The following CELF3 variants were observed in gnomAD, a reference collection of about 807,000 sequenced individuals.
The protein encoded by CELF3 is CAG repeat domain.
In CELF3, 26 loss-of-function variants were observed where a neutral mutation model predicts 59.6. That is an observed-to-expected ratio of 0.44 (90% CI 0.32 to 0.61). The LOEUF (loss-of-function observed/expected upper bound fraction) is 0.61, where lower values mean the gene tolerates loss of function less well. CELF3 is among the 20% of genes least tolerant of loss of function. The pLI is 0.06. For missense variants in CELF3, 387 were observed against 627.2 expected (o/e 0.62, Z 4.09); for synonymous variants, 245 against 250.7 (o/e 0.98, Z 0.22).
rs146781718 is a variant in CELF3 at position 151,709,076 on chromosome 1, G to A, written c.408C>T (p.Gly136=). Residue 136 remains glycine (G), a splice_region_variant and synonymous_variant, in exon 5 of 13, where the codon GGC becomes GGT. Transcript: ENST00000290583. This position sits in a 1 kb window ranked among gnomAD's most constrained non-coding sequence, Gnocchi z 4.9. ...VLRGPDGTSK[G]CAFVKFQTHA... is the part of the protein sequence containing the mutation. ...GGGTCTGGAACTTCACGAAGGCGCA[G>A]CCTGGAGAGGTTGAGATGGAGGAGG... 228 of 1,613,720 alleles carry A rather than the reference G, an allele frequency of 1.4e-4. 1 individual carries two copies. The highest frequency in any genetic ancestry group is 1.9e-4 in the Non-Finnish European group (219 of 1,179,860).
At chr1:151,711,083 C>A in intron 2 of CELF3, 1 of 336,108 alleles carries the variant, frequency 3.0e-6, no homozygotes, top group Non-Finnish European at 5.9e-6. Flanking sequence ...GACTGGGAGT[C>A]AGGAGACCTG....
chr1:151,709,864 T>C lies in CELF3; in HGVS notation c.229-73A>G. 2 of 1,455,630 alleles carry C rather than the reference T, an allele frequency of 1.4e-6. No individual in the cohort carries two copies. The highest frequency in any genetic ancestry group is 1.9e-6 in the Non-Finnish European group (2 of 1,035,382). The allele number at this position is 1,455,630 out of a possible 1,614,324, so 90.2% of individuals were successfully genotyped here. ...CCAAGAGCCCTCCCAGGCCAGGCCC[T>C]GCAGAGAGACTAGAGGGGCAAGCCC... is the stretch of plus-strand genomic sequence containing the variant. On this transcript the variant is annotated intron_variant, in intron 2 of 12. Coordinates refer to ENST00000290583, the MANE Select transcript of CELF3 (RefSeq NM_007185.7). The surrounding 1 kb of genome is among the most constrained non-coding windows in gnomAD (Gnocchi z 4.9).
In CELF3 at chr1:151,707,782, C is replaced by T; in HGVS notation, c.630+10G>A. On this transcript the variant is annotated intron_variant, in intron 6 of 12. Transcript: ENST00000290583. ...AGGAGGGCTGGCCCGGCATCAGGGG[C>T]AGTGCTCACGGCCTGGGTGTAGGCG... The T allele has an allele frequency of 1.2e-6, 2 of 1,610,112 alleles. No individual in the cohort carries two copies. Among genetic ancestry groups the T allele is most frequent in the Non-Finnish European group, 1.7e-6 (2 of 1,176,976 alleles).
chr1:151,710,839 T>C (rs1447354132), intron 2 of CELF3: 1 of 456,504 alleles, frequency 2.2e-6, no homozygotes, highest in Non-Finnish European at 4.4e-6. Flanking sequence ...AAATTACTCC[T>C]GCAGGTTGAT....
chr1:151,706,198 CTGT>C, intron 10 of CELF3, 23 bp downstream of exon 10: 1 of 1,611,708 alleles, frequency 6.2e-7, no homozygotes, highest in African/African-American at 1.3e-5. Context: ...GAGGGCATTC[CTGT>C]CTCCCAAGGC....
intron 2 of CELF3, chr1:151,711,117 GC>G (rs1335047804): frequency 6.4e-6 from 2 of 310,842 alleles, no homozygotes; most frequent in African/African-American, 4.3e-5. Flanking sequence ...GCCCTGCCCT[GC>G]CACTTACTAG....
At position 151,701,027 on chromosome 1, in the gene CELF3, T is replaced by C. The variant is rs1447660453; in HGVS notation, c.*2432A>G. On this transcript the variant is annotated 3_prime_UTR_variant, in exon 13 of 13. Coordinates refer to ENST00000290583, the MANE Select transcript of CELF3 (RefSeq NM_007185.7). Reference sequence around the variant, plus strand: ...GGTGAATTAACTTTTAAAAGATGACTCTTGGCTTCTTGGGAGAACAAATTG... The same window carrying C: ...GGTGAATTAACTTTTAAAAGATGACCCTTGGCTTCTTGGGAGAACAAATTG... 1 of 152,436 alleles carries C rather than the reference T, an allele frequency of 6.6e-6. No individual in the cohort carries two copies. The allele number at this position is 152,436 out of a possible 1,614,324, so 9.4% of individuals were successfully genotyped here.
At chr1:151,712,634 C>G (rs1673118516) in intron 2 of CELF3, among the ~76,000 whole-genome samples, 1 of 152,226 alleles carries the variant, frequency 6.6e-6, no homozygotes. Flanking sequence ...GTGGCAGAGC[C>G]ACTCCTGGGA....
intron 1 of CELF3, chr1:151,715,570 C>G (rs1208384669): frequency 7.4e-7 from 1 of 1,360,528 alleles, no homozygotes; most frequent in Non-Finnish European, 9.7e-7. Context: ...CAAACCAGCT[C>G]TCTTGTCCCT....
chr1:151,710,902 C>T (rs1191184778), intron 2 of CELF3: 1 of 451,230 alleles, frequency 2.2e-6, no homozygotes, highest in African/African-American at 2.0e-5. Context: ...AGGAGAAGGA[C>T]TTAGTATTTA....
chr1:151,710,608 TCTC>T (rs1289373533), intron 2 of CELF3: 3 of 456,174 alleles, frequency 6.6e-6, no homozygotes, highest in Non-Finnish European at 1.3e-5. Flanking sequence ...TCCCATCCCT[TCTC>T]CTGCCTCCCT....
At chr1:151,706,075 C>T in intron 10 of CELF3, 110 bp from the exon 11 acceptor site, 2 of 1,590,122 alleles carry the variant, frequency 1.3e-6, no homozygotes, top group Non-Finnish European at 1.7e-6. Context: ...AGTCCCAGTC[C>T]TTGACAGTGT....
At position 151,705,062 on chromosome 1, in the gene CELF3, C is replaced by T. The variant is rs750459132; in HGVS notation, c.1377G>A (p.Lys459=). The T allele has an allele frequency of 5.6e-6, 9 of 1,613,562 alleles. No homozygotes were observed. The East Asian group carries it at 8.9e-5, about 16-fold the overall frequency. ...KRLKVQLKRP[K]DANRPY is the part of the protein sequence containing the mutation. ...GCCCTCAGTAGGGCCGGTTGGCATC[C>T]TTAGGCCGCTTTAGCTGGACTTTGA... The change falls in exon 12 of 13, where the codon AAG becomes AAA. Residue 459 remains lysine (K), a synonymous_variant. Transcript: ENST00000290583. The surrounding 1 kb of genome is among the most constrained non-coding windows in gnomAD (Gnocchi z 5.1).
At position 151,709,298 on chromosome 1, in the gene CELF3, C is replaced by T. The variant is rs1274840352; in HGVS notation, c.328G>A (p.Asp110Asn). 1 of 1,613,966 alleles carries T rather than the reference C, an allele frequency of 6.2e-7. No homozygotes were observed. The highest frequency in any genetic ancestry group is 8.5e-7 in the Non-Finnish European group (1 of 1,179,984). ...AAGGGCTCAAACATCTTCCGGACGT[C>T]CTCATCTGTCTGCTGCTTCCCTAGC... is the stretch of plus-strand genomic sequence containing the variant. ...GMLGKQQTDE[D>N]VRKMFEPFGT... is the part of the protein sequence containing the mutation. The change falls in exon 4 of 13, where the codon GAC (aspartate) becomes AAC (asparagine). Residue 110 changes from aspartate (D) to asparagine (N), a missense_variant. Asp to Asn is a conservative substitution (Grantham distance 23, BLOSUM62 1). Around this residue, in one of 3 missense-constraint regions of CELF3, gnomAD observed 208 missense variants for 354.8 expected, o/e 0.59. Coordinates refer to ENST00000290583, the MANE Select transcript of CELF3 (RefSeq NM_007185.7). This position sits in a 1 kb window ranked among gnomAD's most constrained non-coding sequence, Gnocchi z 4.9.
Position 151,705,481 on chromosome 1 carries a change from C to T in CELF3, c.1271-313G>A, listed in dbSNP as rs1331221699. On this transcript the variant is annotated intron_variant, in intron 11 of 12. Coordinates refer to ENST00000290583, the MANE Select transcript of CELF3 (RefSeq NM_007185.7). This position sits in a 1 kb window ranked among gnomAD's most constrained non-coding sequence, Gnocchi z 5.1. Reference sequence around the variant, plus strand: ...GGCTTCTGAAGCAGAGAAGAACATTCCCTTTCTCCCCTGAGGAAGACTTTC... The same window carrying T: ...GGCTTCTGAAGCAGAGAAGAACATTTCCTTTCTCCCCTGAGGAAGACTTTC... Among the ~76,000 whole-genome samples the T allele has an allele frequency of 6.6e-6, 1 of 152,180 alleles. No homozygotes were observed. Among genetic ancestry groups the T allele is most frequent in the Non-Finnish European group, 1.5e-5 (1 of 68,044 alleles).
intron 2 of CELF3, chr1:151,710,305 A>G: frequency 7.8e-6 from 2 of 256,750 alleles, no homozygotes; most frequent in Non-Finnish European, 1.6e-5. Flanking sequence ...CCCCAGGGGG[A>G]AGGCACTCGG....
intron 1 of CELF3, chr1:151,715,551 C>A: frequency 8.1e-7 from 1 of 1,238,394 alleles, no homozygotes; most frequent in Non-Finnish European, 1.1e-6. Context: ...TACCCAGCTG[C>A]TTATCTCCCA....
Position 151,709,129 on chromosome 1 carries a change from A to G in CELF3, c.407-52T>C. ...AGGGGTAAGCACCCATCCCTGCGGG[A>G]CCCCGCGGTGGAACCCGATGCCTAG... is the stretch of plus-strand genomic sequence containing the variant. On this transcript the variant is annotated intron_variant, in intron 4 of 12. Transcript: ENST00000290583. This position sits in a 1 kb window ranked among gnomAD's most constrained non-coding sequence, Gnocchi z 4.9. 2 of 1,606,266 alleles carry G rather than the reference A, an allele frequency of 1.2e-6. No homozygotes were observed. Among genetic ancestry groups the G allele is most frequent in the Non-Finnish European group, 1.7e-6 (2 of 1,174,330 alleles).
Position 151,705,101 on chromosome 1 carries a change from G to T in CELF3, c.1338C>A (p.Ile446=), listed in dbSNP as rs780316919. ...AAIQAMNGFQ[I]GMKRLKVQLK... The stretch of plus-strand genomic sequence containing the variant: ...GCTGGACTTTGAGGCGCTTCATGCC[G>T]ATCTGGAAGCCATTCATGGCCTGGA... The change falls in exon 12 of 13, where the codon ATC becomes ATA. Residue 446 remains isoleucine (I), a synonymous_variant. Transcript: ENST00000290583. The surrounding 1 kb of genome is among the most constrained non-coding windows in gnomAD (Gnocchi z 5.1). 1.2e-6 allele frequency: 2 copies of T among 1,613,886 alleles called. No individual in the cohort carries two copies. The highest frequency in any genetic ancestry group is 1.3e-5 in the African/African-American group (1 of 74,920).
Sources: allele counts gnomAD v4.1 joint callset (sites outside exome capture counted in the v4.1 genomes callset), GRCh38; gene constraint gnomAD v4.1.1; regional missense constraint gnomAD v4.1.1; non-coding constraint Gnocchi (gnomAD v3.1); transcripts MANE v1.5; gene names NCBI Gene and HGNC (gene_info 2026-07-23, HGNC 2026-07-21).